The following ITPR2 variants were observed in gnomAD, a reference collection of about 807,000 sequenced individuals.
ITPR2 encodes the protein inositol 1,4,5-trisphosphate-gated calcium channel ITPR2.
A neutral mutation model predicts 317.1 loss-of-function variants in ITPR2; 207 were observed. The ratio of observed to expected loss-of-function variants is 0.65; its 90% confidence interval spans 0.58 to 0.73. ITPR2 has a LOEUF of 0.73. Among genes scored for constraint, ITPR2 ranks in the 30% least tolerant of loss-of-function variants. The pLI is 0.00. For missense variants in ITPR2, 2,613 were observed against 3,284.0 expected (o/e 0.80, Z 4.99); for synonymous variants, 1,156 against 1,149.1 (o/e 1.01, Z -0.12).
intron 37 of ITPR2, among the ~76,000 whole-genome samples, chr12:26,507,951 T>G (rs894453594): frequency 6.6e-6 from 1 of 151,988 alleles, no homozygotes; most frequent in Non-Finnish European, 1.5e-5. Flanking sequence ...CTCATGGATA[T>G]TGATGCATAT....
At chr12:26,663,639 C>A (rs2136920485) in intron 15 of ITPR2, 46 bp downstream of exon 15, 6 of 1,526,458 alleles carry the variant, frequency 3.9e-6, no homozygotes, top group Non-Finnish European at 5.3e-6. Flanking sequence ...GAACCTTGCC[C>A]ATACTTTACA....
chr12:26,618,722 G>A (rs901898392), intron 26 of ITPR2, among the ~76,000 whole-genome samples: 2 of 152,180 alleles, frequency 1.3e-5, no homozygotes, highest in Non-Finnish European at 2.9e-5. Flanking sequence ...GCTTGTAGTA[G>A]CAAATTTTCT....
In ITPR2 at chr12:26,596,986, G is replaced by A; in HGVS notation, c.4151C>T (p.Ala1384Val). The A allele has an allele frequency of 6.2e-7, 1 of 1,613,644 alleles. No individual in the cohort carries two copies. The highest frequency in any genetic ancestry group is 8.5e-7 in the Non-Finnish European group (1 of 1,179,808). ...GTAGACATTTTTCCCCTCTGTGCAT[G>A]CTGCCAGCAACTCCACCAGGGTGAT... is the stretch of plus-strand genomic sequence containing the variant. ...YHITLVELLA[A>V]CTEGKNVYTE... The change falls in exon 31 of 57, where the codon GCA (alanine) becomes GTA (valine). Residue 1384 changes from alanine (A) to valine (V), a missense_variant. Transcript: ENST00000381340.
chr12:26,515,680 T>G (rs947599660), intron 37 of ITPR2, among the ~76,000 whole-genome samples: 1 of 151,786 alleles, frequency 6.6e-6, no homozygotes, highest in Non-Finnish European at 1.5e-5. Flanking sequence ...AGTGGCCACA[T>G]GGCCGAGCCG....
At chr12:26,616,946 C>A (rs1050581585) in intron 26 of ITPR2, among the ~76,000 whole-genome samples, 1 of 152,118 alleles carries the variant, frequency 6.6e-6, no homozygotes, top group African/African-American at 2.4e-5. Context: ...TTAACATTTT[C>A]TTTTCTCTAG....
intron 2 of ITPR2, among the ~76,000 whole-genome samples, chr12:26,757,419 T>C (rs1451286701): frequency 1.3e-5 from 2 of 152,150 alleles, no homozygotes; most frequent in African/African-American, 2.4e-5. Context: ...CTTTGCCATG[T>C]TGCTCAGGCT....
chr12:26,715,268 A>T, intron 8 of ITPR2, 31 bp downstream of exon 8: 1 of 1,566,726 alleles, frequency 6.4e-7, no homozygotes, highest in Admixed American at 1.8e-5. Context: ...TGATCTAAAT[A>T]TTTATTAAGT....
At chr12:26,459,654 T>A (rs996602005) in intron 45 of ITPR2, among the ~76,000 whole-genome samples, 1 of 152,126 alleles carries the variant, frequency 6.6e-6, no homozygotes, top group African/African-American at 2.4e-5. Context: ...GGGTTTCAAT[T>A]CCTCCTTCTT....
rs1951093043 is a variant in ITPR2, at chr12:26,831,043, AC to A, written c.92+1646del. 1.3e-5 allele frequency among the ~76,000 whole-genome samples: 2 copies of A among 152,030 alleles called. No individual in the cohort carries two copies. Among genetic ancestry groups the A allele is most frequent in the Admixed American group, 1.3e-4 (2 of 15,234 alleles). The stretch of plus-strand genomic sequence containing the variant: ...AAACCCCAAGTATTCTGTCCATGGA[AC>A]CCCCTCTGCTTAACTACTACATCAC... On this transcript the variant is annotated intron_variant, in intron 1 of 56. Coordinates refer to ENST00000381340, the MANE Select transcript of ITPR2 (RefSeq NM_002223.4). The surrounding 1 kb of genome is among the most constrained non-coding windows in gnomAD (Gnocchi z 4.9).
chr12:26,783,054 G>C (rs1401121073), intron 2 of ITPR2, among the ~76,000 whole-genome samples: 2 of 152,158 alleles, frequency 1.3e-5, no homozygotes, highest in Admixed American at 1.3e-4. Context: ...GTTAGGCCCA[G>C]CTTTCAAAAG....
chr12:26,724,318 T>G (rs776004797), intron 4 of ITPR2, among the ~76,000 whole-genome samples: 12 of 152,176 alleles, frequency 7.9e-5, no homozygotes, highest in Non-Finnish European at 7.4e-5. Context: ...AATGAAAAGC[T>G]AAGCTCCATA....
intron 1 of ITPR2, among the ~76,000 whole-genome samples, chr12:26,800,282 G>A (rs944884434): frequency 6.6e-6 from 1 of 151,662 alleles, no homozygotes; most frequent in Non-Finnish European, 1.5e-5. Context: ...TAAATTCAAA[G>A]AAATATGAAC....
At position 26,722,382 on chromosome 12, in the gene ITPR2, T is replaced by G; in HGVS notation, c.525+15A>C. 6.3e-7 allele frequency: 1 copy of G among 1,591,454 alleles called. No individual in the cohort carries two copies. Among genetic ancestry groups the G allele is most frequent in the Non-Finnish European group, 8.6e-7 (1 of 1,168,842 alleles). ...TATGAACCCACTATTTCCCTCTTAA[T>G]TGTATATTACATACATTGTCACCCT... On this transcript the variant is annotated intron_variant, in intron 5 of 56. Transcript: ENST00000381340.
At chr12:26,545,742 A>ATC (rs1944379038) in intron 37 of ITPR2, among the ~76,000 whole-genome samples, 2 of 152,158 alleles carry the variant, frequency 1.3e-5, no homozygotes, top group Non-Finnish European at 2.9e-5. Context: ...TACTTTTTGA[A>ATC]TCTATCATCC....
At chr12:26,832,350 C>T (rs1951126272) in intron 1 of ITPR2, among the ~76,000 whole-genome samples, 1 of 152,238 alleles carries the variant, frequency 6.6e-6, no homozygotes, top group Non-Finnish European at 1.5e-5. Flanking sequence ...TTTTACCTTC[C>T]AGGGAAAACA....
chr12:26,828,009 C>T (rs959216686), intron 1 of ITPR2, among the ~76,000 whole-genome samples: 1 of 152,314 alleles, frequency 6.6e-6, no homozygotes, highest in East Asian at 1.9e-4. Context: ...GAAATCTTTT[C>T]TTTCTGTCTC....
chr12:26,507,861 C>G (rs28366818), intron 37 of ITPR2, among the ~76,000 whole-genome samples: 22,748 of 119,870 alleles, frequency 0.19, 2,207 homozygotes, highest in Non-Finnish European at 0.25. Flanking sequence ...CTCTCTCTGT[C>G]TCTGTGTGTG....
chr12:26,620,638 C>G (rs1946470278), intron 26 of ITPR2, among the ~76,000 whole-genome samples: 1 of 152,124 alleles, frequency 6.6e-6, no homozygotes. Flanking sequence ...ATGACAGTCA[C>G]TCTTTAGATT....
intron 54 of ITPR2, among the ~76,000 whole-genome samples, chr12:26,391,294 C>G (rs1401134319): frequency 1.3e-5 from 2 of 152,076 alleles, no homozygotes; most frequent in Non-Finnish European, 2.9e-5. Flanking sequence ...GCGGAAGAGT[C>G]AATTAGTATT....
Sources: allele counts gnomAD v4.1 joint callset (sites outside exome capture counted in the v4.1 genomes callset), GRCh38; gene constraint gnomAD v4.1.1; non-coding constraint Gnocchi (gnomAD v3.1); transcripts MANE v1.5; gene names NCBI Gene and HGNC (gene_info 2026-07-23, HGNC 2026-07-21).